CCDC171: variants seen among roughly 807,000 people sequenced by gnomAD.
CCDC171 encodes coiled-coil domain containing 171.
A neutral mutation model predicts 168.2 loss-of-function variants in CCDC171; 177 were observed. The ratio of observed to expected loss-of-function variants is 1.05; its 90% confidence interval spans 0.93 to 1.19. The LOEUF (loss-of-function observed/expected upper bound fraction) is 1.19. Among genes scored for constraint, CCDC171 ranks in the 50% most tolerant of loss-of-function variants. The pLI is 0.00. For missense variants in CCDC171, 1,991 were observed against 1,539.0 expected (o/e 1.29, Z -4.91); for synonymous variants, 687 against 540.8 (o/e 1.27, Z -3.75).
chr9:15,809,005 C>T (rs900240105), intron 21 of CCDC171, among the ~76,000 whole-genome samples: 5 of 152,000 alleles, frequency 3.3e-5, no homozygotes, highest in African/African-American at 1.2e-4. Flanking sequence ...CTAGGGAGCT[C>T]TTTGGGCCTT....
chr9:15,563,731 G>A (rs1252017443), intron 1 of CCDC171, among the ~76,000 whole-genome samples: 2 of 152,118 alleles, frequency 1.3e-5, no homozygotes, highest in South Asian at 4.1e-4. Context: ...AATCACTGTT[G>A]TAAAGATCCT....
At chr9:15,587,097 G>C (rs2041626093) in intron 4 of CCDC171, among the ~76,000 whole-genome samples, 1 of 152,170 alleles carries the variant, frequency 6.6e-6, no homozygotes, top group South Asian at 2.1e-4. Context: ...ACACGTGTGA[G>C]CCACCATGCT....
chr9:15,624,943 T>C (rs1488859649), intron 7 of CCDC171, among the ~76,000 whole-genome samples: 1 of 152,164 alleles, frequency 6.6e-6, no homozygotes, highest in East Asian at 1.9e-4. Flanking sequence ...TGTCAAAAAG[T>C]GTTCCTATTT....
At chr9:16,070,195 T>G in the CCDC171 span, among the ~76,000 whole-genome samples, 1 of 152,092 alleles carries the variant, frequency 6.6e-6, no homozygotes, top group Admixed American at 6.6e-5. Context: ...GGGAGATGAT[T>G]CATATAACAT....
At chr9:15,834,961 C>T (rs954559286) in intron 21 of CCDC171, among the ~76,000 whole-genome samples, 6 of 152,188 alleles carry the variant, frequency 3.9e-5, no homozygotes, top group Admixed American at 6.5e-5. Flanking sequence ...TTTTTCTGAT[C>T]TATGTCCTGT....
intron 6 of CCDC171, among the ~76,000 whole-genome samples, chr9:15,615,531 G>T (rs971398749): frequency 6.6e-6 from 1 of 152,098 alleles, no homozygotes; most frequent in African/African-American, 2.4e-5. Flanking sequence ...TTAAATAAAA[G>T]CCATTTGGCA....
chr9:15,837,284 G>T (rs1252868107), intron 21 of CCDC171, among the ~76,000 whole-genome samples: 4 of 152,092 alleles, frequency 2.6e-5, no homozygotes, highest in Non-Finnish European at 5.9e-5. Context: ...TGGCGATCTC[G>T]CTCATTTAGA....
intron 11 of CCDC171, among the ~76,000 whole-genome samples, chr9:15,713,099 C>T (rs143114006): frequency 1.3e-5 from 2 of 152,188 alleles, no homozygotes. Context: ...AACAGTTAGA[C>T]ACCACACATG....
In CCDC171 at chr9:15,813,337, A is replaced by G. The variant is rs148902812; in HGVS notation, c.3267+28643A>G. 1.2e-4 allele frequency among the ~76,000 whole-genome samples: 19 copies of G among 152,370 alleles called. No individual in the cohort carries two copies. In the East Asian group the frequency reaches 3.5e-3, roughly 28 times the overall value. On this transcript the variant is annotated intron_variant, in intron 21 of 25. Coordinates refer to ENST00000380701, the MANE Select transcript of CCDC171 (RefSeq NM_173550.4). ...AGATAGTGGAACTACAAGACGGAACATGTGGGTCTTGCAATCACCATTTAG... is the reference window on the plus strand; with the variant it reads ...AGATAGTGGAACTACAAGACGGAACGTGTGGGTCTTGCAATCACCATTTAG...
chr9:16,007,831 G>A (rs3124457), intron 3 of CCDC171, among the ~76,000 whole-genome samples: 15,028 of 152,172 alleles, frequency 0.099, 922 homozygotes, highest in South Asian at 0.25. Flanking sequence ...TTTGGTTACT[G>A]TAGCCTTGTA....
intron 1 of CCDC171, among the ~76,000 whole-genome samples, chr9:15,554,665 AACTTCCCCTT>A (rs796130965): frequency 1.6e-4 from 24 of 152,260 alleles, no homozygotes; most frequent in African/African-American, 4.3e-4. Flanking sequence ...GTAAGAACCA[AACTTCCCCTT>A]TAAAGGTTGA....
rs149982369 is a variant in CCDC171, at chr9:15,923,899, G to A, written c.3753+3477G>A. The stretch of plus-strand genomic sequence containing the variant: ...ACTACTCCCTCATTGTCATAAGATT[G>A]CAGCCCAGATCTAGGATTTGTAGTA... On this transcript the variant is annotated intron_variant, in intron 25 of 25. Coordinates refer to ENST00000380701, the MANE Select transcript of CCDC171 (RefSeq NM_173550.4). Among the ~76,000 whole-genome samples the A allele has an allele frequency of 3.1e-3, 476 of 151,266 alleles. 2 individuals carry two copies. Among genetic ancestry groups the A allele is most frequent in the African/African-American group, 0.011 (447 of 41,376 alleles).
At position 15,622,824 on chromosome 9, in the gene CCDC171, A is replaced by G. The variant is rs61478887; in HGVS notation, c.676-443A>G. On this transcript the variant is annotated intron_variant, in intron 6 of 25. Transcript: ENST00000380701. ...GGATGCAATTTTAAAAGCTGTAAGCATGTAATTTAAGTACCGTGAGCTCAT... is the reference window on the plus strand; with the variant it reads ...GGATGCAATTTTAAAAGCTGTAAGCGTGTAATTTAAGTACCGTGAGCTCAT... 6.1e-3 allele frequency among the ~76,000 whole-genome samples: 927 copies of G among 152,324 alleles called. 7 individuals are homozygous for G. Among genetic ancestry groups the G allele is most frequent in the African/African-American group, 0.022 (902 of 41,574 alleles).
In CCDC171 at chr9:15,618,732, C is replaced by T. The variant is rs1480575134; in HGVS notation, c.676-4535C>T. Reference sequence around the variant, plus strand: ...CTCAGGGCGGGTAGCACAGTCCCTCCCCACTTCCCCTGGCTGGCTGGGGGA... The same window carrying T: ...CTCAGGGCGGGTAGCACAGTCCCTCTCCACTTCCCCTGGCTGGCTGGGGGA... On this transcript the variant is annotated intron_variant, in intron 6 of 25. Transcript: ENST00000380701. 3.3e-5 allele frequency among the ~76,000 whole-genome samples: 5 copies of T among 152,082 alleles called. No homozygotes were observed. In the East Asian group the frequency reaches 9.7e-4, roughly 29 times the overall value.
intron 24 of CCDC171, among the ~76,000 whole-genome samples, chr9:15,897,608 T>C (rs543433852): frequency 6.6e-6 from 1 of 152,298 alleles, no homozygotes; most frequent in East Asian, 1.9e-4. Context: ...TACTTATTAA[T>C]GATTGTGAGA....
At chr9:15,703,841 C>G (rs2051994487) in intron 11 of CCDC171, among the ~76,000 whole-genome samples, 1 of 152,154 alleles carries the variant, frequency 6.6e-6, no homozygotes, top group South Asian at 2.1e-4. Context: ...CTAGAGCATA[C>G]AACATTTATT....
chr9:15,624,171 G>A (rs976621724), intron 7 of CCDC171, among the ~76,000 whole-genome samples: 7 of 152,094 alleles, frequency 4.6e-5, no homozygotes, highest in South Asian at 4.2e-4. Flanking sequence ...TAACTTTTGG[G>A]AGGAAGGAAG....
chr9:15,576,391 T>C (rs2040666162), intron 3 of CCDC171, among the ~76,000 whole-genome samples: 1 of 152,122 alleles, frequency 6.6e-6, no homozygotes, highest in Non-Finnish European at 1.5e-5. Context: ...TCTTGCTGTG[T>C]TGCTCAGGTT....
At chr9:16,041,659 A>G (rs1833574449), upstream of CCDC171, among the ~76,000 whole-genome samples, 1 of 152,224 alleles carries the variant, frequency 6.6e-6, no homozygotes, top group Non-Finnish European at 1.5e-5. Flanking sequence ...GATTAATTAA[A>G]TATGATGTTT....
Sources: allele counts gnomAD v4.1 joint callset (sites outside exome capture counted in the v4.1 genomes callset), GRCh38; gene constraint gnomAD v4.1.1; transcripts MANE v1.5; gene names NCBI Gene and HGNC (gene_info 2026-07-23, HGNC 2026-07-21).